The following BAG3 variants were observed in gnomAD, a reference collection of about 807,000 sequenced individuals.
BAG3 encodes BAG family molecular chaperone regulator 3.
A neutral mutation model predicts 40.5 loss-of-function variants in BAG3; 14 were observed. That is an observed-to-expected ratio of 0.35 (90% CI 0.23 to 0.54). The LOEUF (loss-of-function observed/expected upper bound fraction) is 0.54. Among genes scored for constraint, BAG3 ranks in the 20% least tolerant of loss-of-function variants. The probability of loss-of-function intolerance (pLI) is 0.91; values close to 1 mark genes in which losing one functional copy is unlikely to be tolerated. For missense variants in BAG3, 788 were observed against 758.6 expected (o/e 1.04, Z -0.46); for synonymous variants, 302 against 307.8 (o/e 0.98, Z 0.20).
chr10:119,667,197 G>A (rs1847079341), intron 1 of BAG3, among the ~76,000 whole-genome samples: 2 of 152,098 alleles, frequency 1.3e-5, no homozygotes, highest in Admixed American at 6.5e-5. Flanking sequence ...GGCTGGTCTT[G>A]AACTCCTGAC....
At position 119,671,585 on chromosome 10, in the gene BAG3, GC is replaced by G. The variant is rs560742704; in HGVS notation, c.508-669del. 3.1e-3 allele frequency among the ~76,000 whole-genome samples: 474 copies of G among 152,290 alleles called. 6 individuals carry two copies. Among genetic ancestry groups the G allele is most frequent in the African/African-American group, 0.011 (448 of 41,550 alleles). On this transcript the variant is annotated intron_variant, in intron 2 of 3. Coordinates refer to ENST00000369085, the MANE Select transcript of BAG3 (RefSeq NM_004281.4). Reference sequence around the variant, plus strand: ...GGGACAACACATCCCTTGTATGAGCGCTTCCTGTGTGCTGGCCTGGGGCTGA... The same window carrying G: ...GGGACAACACATCCCTTGTATGAGCGTTCCTGTGTGCTGGCCTGGGGCTGA...
At chr10:119,675,044 A>C (rs1847200862) in intron 3 of BAG3, among the ~76,000 whole-genome samples, 1 of 151,180 alleles carries the variant, frequency 6.6e-6, no homozygotes, top group Non-Finnish European at 1.5e-5. Context: ...TAAAAAATAT[A>C]TGGCTTACTA....
intron 1 of BAG3, among the ~76,000 whole-genome samples, chr10:119,663,493 G>T (rs558580745): frequency 2.0e-5 from 3 of 152,028 alleles, no homozygotes; most frequent in African/African-American, 7.3e-5. Context: ...GAAGAGACAG[G>T]GTTTTGTCAT....
At chr10:119,668,011 G>C (rs1847090184) in intron 1 of BAG3, among the ~76,000 whole-genome samples, 2 of 152,242 alleles carry the variant, frequency 1.3e-5, no homozygotes, top group African/African-American at 4.8e-5. Context: ...CTCACGGCAG[G>C]AATTCAGCTC....
At chr10:119,659,062 T>C (rs1259635195) in intron 1 of BAG3, among the ~76,000 whole-genome samples, 1 of 152,078 alleles carries the variant, frequency 6.6e-6, no homozygotes, top group Non-Finnish European at 1.5e-5. Flanking sequence ...TGTAGCTGAC[T>C]CCCCCGACCA....
chr10:119,665,972 G>T (rs1046625366), intron 1 of BAG3, among the ~76,000 whole-genome samples: 1 of 152,152 alleles, frequency 6.6e-6, no homozygotes, highest in Non-Finnish European at 1.5e-5. Context: ...CAGCCAGGCC[G>T]CCCTTGCCTG....
intron 1 of BAG3, among the ~76,000 whole-genome samples, chr10:119,662,595 C>A (rs1379826731): frequency 6.6e-6 from 1 of 152,116 alleles, no homozygotes; most frequent in Non-Finnish European, 1.5e-5. Flanking sequence ...CTACTTAATA[C>A]CCCAGGCCTG....
At chr10:119,656,225 T>C (rs774053280) in intron 1 of BAG3, among the ~76,000 whole-genome samples, 13 of 152,098 alleles carry the variant, frequency 8.5e-5, no homozygotes, top group Non-Finnish European at 1.3e-4. Flanking sequence ...CTTATTAGGA[T>C]CTTTGAGACC....
chr10:119,651,908 CG>C, intron 1 of BAG3, 53 bp downstream of exon 1: 2 of 1,439,612 alleles, frequency 1.4e-6, no homozygotes, highest in Non-Finnish European at 1.8e-6. Context: ...CGACGGCAGG[CG>C]GCGGGGAGTG....
chr10:119,673,334 A>G (rs868462593), intron 3 of BAG3, among the ~76,000 whole-genome samples: 8 of 152,190 alleles, frequency 5.3e-5, no homozygotes, highest in African/African-American at 1.2e-4. Context: ...GCCTGACCAC[A>G]GGGCCCATGT....
At chr10:119,657,088 C>T (rs1002668853) in intron 1 of BAG3, among the ~76,000 whole-genome samples, 9 of 152,258 alleles carry the variant, frequency 5.9e-5, no homozygotes, top group African/African-American at 1.7e-4. Context: ...AGCCCTGAGT[C>T]CATCTTTGTA....
intron 1 of BAG3, 88 bp downstream of exon 1, chr10:119,651,943 C>T: frequency 8.7e-7 from 1 of 1,146,134 alleles, no homozygotes. Flanking sequence ...GGACGCGAGG[C>T]GGCGGGGCCC....
At position 119,670,061 on chromosome 10, in the gene BAG3, C is replaced by T; in HGVS notation, c.391C>T (p.Pro131Ser). 1 of 1,614,228 alleles carries T rather than the reference C, an allele frequency of 6.2e-7. No homozygotes were observed. The highest frequency in any genetic ancestry group is 1.1e-5 in the South Asian group (1 of 91,088). ...CCGAACTGAGGCGGCAGCAGCGGCTCCTCAGAGGTCCCAGTCACCTCTGCG... is the reference window on the plus strand; with the variant it reads ...CCGAACTGAGGCGGCAGCAGCGGCTTCTCAGAGGTCCCAGTCACCTCTGCG... ...RFRTEAAAAAPQRSQSPLRGM... is the reference protein window; with the variant it reads ...RFRTEAAAAASQRSQSPLRGM... Residue 131 changes from proline to serine, a missense_variant, in exon 2 of 4, where the codon CCT becomes TCT. Pro to Ser is a moderately conservative substitution (Grantham distance 74). Coordinates refer to ENST00000369085, the MANE Select transcript of BAG3 (RefSeq NM_004281.4).
intron 1 of BAG3, among the ~76,000 whole-genome samples, chr10:119,660,603 T>C (rs1452519524): frequency 6.6e-6 from 1 of 152,074 alleles, no homozygotes; most frequent in Non-Finnish European, 1.5e-5. Flanking sequence ...CCCAGCACTT[T>C]GGGAGGCCGA....
chr10:119,676,854 G>A lies in BAG3; in HGVS notation c.1300G>A (p.Gly434Arg), dbSNP rs1454148171. Residue 434 changes from glycine (G) to arginine (R), a missense_variant, in exon 4 of 4, where the codon GGG becomes AGG. Gly to Arg is a moderately radical substitution (Grantham distance 125). Transcript: ENST00000369085. Reference sequence around the variant, plus strand: ...GGAAGCCATCCTGGAGAAGGTACAGGGGCTGGAGCAGGCTGTAGACAACTT... The same window carrying A: ...GGAAGCCATCCTGGAGAAGGTACAGAGGCTGGAGCAGGCTGTAGACAACTT... ...KVEAILEKVQ[G>R]LEQAVDNFEG... 2 of 1,614,170 alleles carry A rather than the reference G, an allele frequency of 1.2e-6. No individual in the cohort carries two copies. The highest frequency in any genetic ancestry group is 1.7e-6 in the Non-Finnish European group (2 of 1,180,026).
In BAG3 at chr10:119,658,624, G is replaced by A. The variant is rs368759132; in HGVS notation, c.180+6769G>A. On this transcript the variant is annotated intron_variant, in intron 1 of 3. Transcript: ENST00000369085. ...CCCGGGAGATGAAGGTTTTGGAGAC[G>A]TTAGTGACACATGGATGTTATCACA... Among the ~76,000 whole-genome samples, 174 of 152,342 alleles carry A rather than the reference G, an allele frequency of 1.1e-3. 3 individuals carry two copies. In the South Asian group the frequency reaches 0.034, roughly 30 times the overall value.
In BAG3 at chr10:119,677,243, C is replaced by A; in HGVS notation, c.1689C>A (p.Ser563Arg). 1 of 1,614,160 alleles carries A rather than the reference C, an allele frequency of 6.2e-7. No individual in the cohort carries two copies. Among genetic ancestry groups the A allele is most frequent in the Non-Finnish European group, 8.5e-7 (1 of 1,180,044 alleles). ...EATAAATSNP[S>R]SMTDTPGNPA... ...CAGCAGCAGCGACTTCAAACCCCAG[C>A]AGCATGACAGACACCCCTGGTAACC... is the stretch of plus-strand genomic sequence containing the variant. Residue 563 changes from serine to arginine, a missense_variant, in exon 4 of 4, where the codon AGC (serine) becomes AGA (arginine). Physicochemically the swap from Ser to Arg is moderately radical, Grantham distance 110. Coordinates refer to ENST00000369085, the MANE Select transcript of BAG3 (RefSeq NM_004281.4).
At chr10:119,662,912 G>A (rs1847011988) in intron 1 of BAG3, among the ~76,000 whole-genome samples, 1 of 152,208 alleles carries the variant, frequency 6.6e-6, no homozygotes. Flanking sequence ...CTACTCAGGA[G>A]GCTAAGGCAG....
At position 119,676,705 on chromosome 10, in the gene BAG3, CCT is replaced by C; in HGVS notation, c.1154_1155del (p.Ser385PhefsTer58). ...CCCAGCCCTGGCCCTTCTGCTGTCC[CCT>C]CTTCCCCCAAGAGTGTGGCTACAGA... On this transcript the variant is annotated frameshift_variant, in exon 4 of 4. Coordinates refer to ENST00000369085, the MANE Select transcript of BAG3 (RefSeq NM_004281.4). LOFTEE classifies it high-confidence loss of function. The C allele has an allele frequency of 6.2e-7, 1 of 1,614,174 alleles. No homozygotes were observed. Among genetic ancestry groups the C allele is most frequent in the Non-Finnish European group, 8.5e-7 (1 of 1,180,020 alleles).
Sources: gnomAD v4.1 joint callset for allele counts (sites outside exome capture counted in the v4.1 genomes callset) on GRCh38, gnomAD v4.1.1 for gene constraint, MANE v1.5 for transcripts, NCBI Gene and HGNC (gene_info 2026-07-23, HGNC 2026-07-21) for gene names.